ZNF420: variants seen among roughly 807,000 people sequenced by gnomAD.
ZNF420 encodes the protein ATM and p53-associated KZNF protein.
A neutral mutation model predicts 44.7 loss-of-function variants in ZNF420; 31 were observed. The observed-to-expected ratio is 0.69, with a 90% CI of 0.52 to 0.94. The LOEUF (loss-of-function observed/expected upper bound fraction) is 0.94, where lower values mean the gene tolerates loss of function less well. Among genes scored for constraint, ZNF420 ranks in the 40% least tolerant of loss-of-function variants. The pLI is 0.00. For missense variants in ZNF420, 681 were observed against 827.9 expected, an observed-to-expected ratio of 0.82 and a Z score of 2.18; for synonymous variants, 245 against 267.4, an observed-to-expected ratio of 0.92 and a Z score of 0.82.
At chr19:37,086,690 T>C (rs917965777) in intron 2 of ZNF420, among the ~76,000 whole-genome samples, 3 of 152,256 alleles carry the variant, frequency 2.0e-5, no homozygotes, top group Admixed American at 2.0e-4. Context: ...TTTGGATTGC[T>C]GTCTTCTTGA....
At chr19:37,076,509 TG>T (rs1968157626), upstream of ZNF420, among the ~76,000 whole-genome samples, 1 of 152,188 alleles carries the variant, frequency 6.6e-6, no homozygotes, top group Non-Finnish European at 1.5e-5. Context: ...TATCTCCTAA[TG>T]CTACCCCTCC....
chr19:37,051,401 T>C (rs1370835249), intron 1 of ZNF420, among the ~76,000 whole-genome samples: 1 of 152,210 alleles, frequency 6.6e-6, no homozygotes, highest in Non-Finnish European at 1.5e-5. Flanking sequence ...TTTCAGATCC[T>C]GTTATTGGTC....
intron 1 of ZNF420, among the ~76,000 whole-genome samples, chr19:37,071,166 C>A (rs1168084052): frequency 6.6e-6 from 1 of 152,168 alleles, no homozygotes; most frequent in Non-Finnish European, 1.5e-5. Flanking sequence ...TAAATTCAAA[C>A]TTTGAAGCAA....
At chr19:37,052,734 G>C (rs1471601934) in intron 1 of ZNF420, among the ~76,000 whole-genome samples, 1 of 152,222 alleles carries the variant, frequency 6.6e-6, no homozygotes, top group Non-Finnish European at 1.5e-5. Flanking sequence ...GAGATCAGCT[G>C]TTAGTCTGAT....
chr19:37,110,411 CAA>C (rs1368146094), intron 4 of ZNF420, among the ~76,000 whole-genome samples: 2 of 152,130 alleles, frequency 1.3e-5, no homozygotes, highest in Non-Finnish European at 2.9e-5. Context: ...TTGCATGAGC[CAA>C]AGCATGAAGT....
rs62108938 is a variant in ZNF420, at chr19:37,120,922, G to A, written c.137-6206G>A. Among the ~76,000 whole-genome samples the A allele has an allele frequency of 2.6e-3, 389 of 152,110 alleles. 3 individuals carry two copies. Among genetic ancestry groups the A allele is most frequent in the South Asian group, 0.017 (82 of 4,824 alleles). On this transcript the variant is annotated intron_variant, in intron 4 of 4. Coordinates refer to ENST00000337995, the MANE Select transcript of ZNF420 (RefSeq NM_144689.5). ...TCTAGGAATCCAACTTACAAGGGAC[G>A]TGAAGGACCTCTTCAAGGAGAACTA...
At chr19:37,014,360 C>CCCAG (rs2074593973) in intron 1 of ZNF420, among the ~76,000 whole-genome samples, 1 of 152,158 alleles carries the variant, frequency 6.6e-6, no homozygotes, top group Admixed American at 6.5e-5. Flanking sequence ...CCCAGCGACC[C>CCCAG]CCTTCACACC....
intron 4 of ZNF420, among the ~76,000 whole-genome samples, chr19:37,118,081 T>C (rs1970796487): frequency 6.6e-6 from 1 of 152,208 alleles, no homozygotes; most frequent in African/African-American, 2.4e-5. Context: ...TTCCCCAATC[T>C]AGCAAGGCAG....
At chr19:37,053,790 T>G (rs1303897103) in intron 1 of ZNF420, among the ~76,000 whole-genome samples, 4 of 152,134 alleles carry the variant, frequency 2.6e-5, no homozygotes, top group African/African-American at 9.7e-5. Context: ...GCCTCCCAGT[T>G]AGGCTTCTCG....
At chr19:37,016,480 G>A (rs2074609752) in intron 1 of ZNF420, among the ~76,000 whole-genome samples, 2 of 152,214 alleles carry the variant, frequency 1.3e-5, no homozygotes, top group Non-Finnish European at 2.9e-5. Flanking sequence ...TGTGGTCCCA[G>A]TTGTGCTTTG....
rs73041131 is a variant in ZNF420 at position 37,009,355 on chromosome 19, C to A, written c.-125+1273C>A. Among the ~76,000 whole-genome samples, 885 of 152,292 alleles carry A rather than the reference C, an allele frequency of 5.8e-3. 8 individuals are homozygous for A. Among genetic ancestry groups the A allele is most frequent in the Non-Finnish European group, 0.01 (699 of 68,032 alleles). ...ATGTGGCTTGGACTTACGCACAGGG[C>A]CTCTTCTGGTTCCCAGCTGTGCTTT... is the stretch of plus-strand genomic sequence containing the variant. On this transcript the variant is annotated intron_variant, in intron 1 of 4. Transcript: ENST00000587029.
chr19:37,083,533 C>T (rs985402988), intron 2 of ZNF420, among the ~76,000 whole-genome samples: 1 of 152,184 alleles, frequency 6.6e-6, no homozygotes, highest in Non-Finnish European at 1.5e-5. Context: ...TGTATTAAAA[C>T]ATATCTGTTA....
chr19:37,118,138 T>C (rs1262251429), intron 4 of ZNF420, among the ~76,000 whole-genome samples: 2 of 151,882 alleles, frequency 1.3e-5, no homozygotes, highest in African/African-American at 4.8e-5. Flanking sequence ...CAAAGATACT[T>C]CTCGAGAAGA....
At chr19:37,115,747 C>T (rs12463328) in intron 4 of ZNF420, among the ~76,000 whole-genome samples, 2,930 of 151,944 alleles carry the variant, frequency 0.019, 77 homozygotes, top group East Asian at 0.05. Context: ...AGACCCTTTA[C>T]GGGTGTTGGG....
chr19:37,035,442 G>C (rs1430996445), intron 1 of ZNF420, among the ~76,000 whole-genome samples: 4 of 152,174 alleles, frequency 2.6e-5, no homozygotes, highest in Non-Finnish European at 5.9e-5. Flanking sequence ...CAGGCAATCT[G>C]CCCATCTTGC....
rs771958845 is a variant in ZNF420 at position 37,127,678 on chromosome 19, G to A, written c.687G>A (p.Gly229=). The change falls in exon 5 of 5, where the codon GGG becomes GGA. Residue 229 remains glycine (G), a synonymous_variant. Coordinates refer to ENST00000337995, the MANE Select transcript of ZNF420 (RefSeq NM_144689.5). The part of the protein sequence containing the change: ...GEKPYKCEEC[G]KAFIRSSQLT... ...AACCATATAAATGTGAAGAATGTGG[G>A]AAAGCCTTTATTCGTAGCTCACAAC... The A allele has an allele frequency of 6.2e-7, 1 of 1,613,824 alleles. No homozygotes were observed. The highest frequency in any genetic ancestry group is 8.5e-7 in the Non-Finnish European group (1 of 1,179,870).
intron 4 of ZNF420, among the ~76,000 whole-genome samples, chr19:37,120,613 T>G (rs975739033): frequency 2.0e-5 from 3 of 152,102 alleles, no homozygotes; most frequent in Admixed American, 2.0e-4. Context: ...AGTGTTGGAA[T>G]TTCTGGCCAG....
chr19:37,019,549 C>CG (rs1275560326), intron 1 of ZNF420, among the ~76,000 whole-genome samples: 1 of 151,760 alleles, frequency 6.6e-6, no homozygotes, highest in African/African-American at 2.4e-5. Flanking sequence ...CTGAGATGGG[C>CG]GGATCACTTG....
chr19:37,128,020 C>T lies in ZNF420; in HGVS notation c.1029C>T (p.Ala343=). 1 of 1,613,316 alleles carries T rather than the reference C, an allele frequency of 6.2e-7. No homozygotes were observed. The highest frequency in any genetic ancestry group is 1.1e-5 in the South Asian group (1 of 91,048). ...KPYECKECGR[A]FIRGSLLMQH... is the part of the protein sequence containing the mutation. The stretch of plus-strand genomic sequence containing the variant: ...ATGAATGTAAGGAATGTGGAAGGGC[C>T]TTTATTCGGGGCTCACTACTGATGC... Residue 343 remains alanine, a synonymous_variant, in exon 5 of 5, where the codon GCC becomes GCT. Transcript: ENST00000337995.
Sources: allele counts gnomAD v4.1 joint callset (sites outside exome capture counted in the v4.1 genomes callset), GRCh38; gene constraint gnomAD v4.1.1; transcripts MANE v1.5; gene names NCBI Gene and HGNC (gene_info 2026-07-23, HGNC 2026-07-21).